The following LIMCH1 variants were observed in gnomAD, a reference collection of about 807,000 sequenced individuals.
LIMCH1 encodes the protein LIM and calponin homology domains 1, also known as LIM and calponin homology domains-containing protein 1.
Under a neutral mutation model 176.5 loss-of-function variants are expected in LIMCH1, and 113 were observed. That is an observed-to-expected ratio of 0.64 (90% CI 0.55 to 0.75). The LOEUF is 0.75. Ranked by LOEUF, LIMCH1 falls within the 30% of genes least tolerant of loss-of-function variation. The probability of loss-of-function intolerance (pLI) is 0.00; values close to 1 mark genes in which losing one functional copy is unlikely to be tolerated. For synonymous variants in LIMCH1, 619 were observed against 645.9 expected (o/e 0.96, Z 0.63); for missense variants, 1,674 against 1,814.9 (o/e 0.92, Z 1.41).
intron 2 of LIMCH1, among the ~76,000 whole-genome samples, chr4:41,520,042 T>A (rs185397035): frequency 7.9e-5 from 12 of 152,306 alleles, no homozygotes; most frequent in Admixed American, 7.8e-4. Flanking sequence ...AAGCAGAAAT[T>A]TTCTATATGC....
intron 5 of LIMCH1, among the ~76,000 whole-genome samples, chr4:41,614,496 A>G (rs761893282): frequency 9.2e-5 from 14 of 152,162 alleles, no homozygotes; most frequent in Non-Finnish European, 1.9e-4. Context: ...TCTTTTTTCA[A>G]TGTATTGCTT....
At chr4:41,371,128 T>G (rs2053893205) in intron 1 of LIMCH1, among the ~76,000 whole-genome samples, 1 of 152,166 alleles carries the variant, frequency 6.6e-6, no homozygotes, top group Non-Finnish European at 1.5e-5. Context: ...GCGAAACTTC[T>G]AAAAAGATCA....
At chr4:41,400,276 C>T (rs954864129) in intron 1 of LIMCH1, among the ~76,000 whole-genome samples, 7 of 152,034 alleles carry the variant, frequency 4.6e-5, no homozygotes, top group African/African-American at 1.7e-4. Flanking sequence ...AAATGGAAGT[C>T]CAGGGAGAGT....
chr4:41,465,538 T>C (rs775712982), intron 1 of LIMCH1, among the ~76,000 whole-genome samples: 5 of 152,212 alleles, frequency 3.3e-5, no homozygotes, highest in Non-Finnish European at 5.9e-5. Context: ...TCCATTGGTT[T>C]CTTCTCCCTT....
chr4:41,492,641 G>GT (rs1468836948), intron 1 of LIMCH1, among the ~76,000 whole-genome samples: 1 of 152,210 alleles, frequency 6.6e-6, no homozygotes, highest in East Asian at 1.9e-4. Context: ...GGTAGATAGT[G>GT]TTGGTCAAGT....
At chr4:41,395,778 C>T (rs1471047921) in intron 1 of LIMCH1, among the ~76,000 whole-genome samples, 1 of 152,122 alleles carries the variant, frequency 6.6e-6, no homozygotes, top group African/African-American at 2.4e-5. Context: ...AGGAACTTTT[C>T]TAGCTCCTGG....
At position 41,531,160 on chromosome 4, in the gene LIMCH1, C is replaced by T. The variant is rs74695689; in HGVS notation, c.237+6682C>T. The stretch of plus-strand genomic sequence containing the variant: ...TATAGAATTGAATCTCAACACTTTC[C>T]GAACATTTGTTTGGAGACATCAACC... On this transcript the variant is annotated intron_variant, in intron 3 of 26. Transcript: ENST00000313860. Among the ~76,000 whole-genome samples, 239 of 152,090 alleles carry T rather than the reference C, an allele frequency of 1.6e-3. No individual in the cohort carries two copies. In the Middle Eastern group the frequency reaches 0.02, roughly 13 times the overall value.
intron 18 of LIMCH1, among the ~76,000 whole-genome samples, chr4:41,657,562 A>C (rs1486674353): frequency 6.6e-6 from 1 of 152,212 alleles, no homozygotes; most frequent in African/African-American, 2.4e-5. Flanking sequence ...CATTTTTAGA[A>C]AATGTATATC....
At chr4:41,680,851 G>A in intron 24 of LIMCH1, 104 bp from the exon 25 acceptor site, 7 of 599,944 alleles carry the variant, frequency 1.2e-5, no homozygotes, top group South Asian at 9.3e-5. Flanking sequence ...CTGCTTGTTC[G>A]AACATATTCT....
intron 1 of LIMCH1, among the ~76,000 whole-genome samples, chr4:41,375,732 C>T (rs2054664208): frequency 6.6e-6 from 1 of 152,222 alleles, no homozygotes; most frequent in Non-Finnish European, 1.5e-5. Context: ...GCGGCTGTCG[C>T]CCACTGATCC....
At chr4:41,575,787 C>T (rs979077500) in intron 1 of LIMCH1, among the ~76,000 whole-genome samples, 4 of 152,080 alleles carry the variant, frequency 2.6e-5, no homozygotes, top group South Asian at 2.1e-4. Context: ...ATGTTGAGAT[C>T]GCACAATTCT....
intron 1 of LIMCH1, among the ~76,000 whole-genome samples, chr4:41,553,987 G>T (rs1433034185): frequency 6.6e-6 from 1 of 152,152 alleles, no homozygotes; most frequent in African/African-American, 2.4e-5. Flanking sequence ...AGGAGAAGCT[G>T]TGGTGTGGTG....
intron 1 of LIMCH1, among the ~76,000 whole-genome samples, chr4:41,556,116 G>T (rs1370651392): frequency 3.3e-5 from 5 of 151,888 alleles, no homozygotes; most frequent in African/African-American, 4.8e-5. Context: ...TCTGGAAAAT[G>T]ATCTGAAAAA....
At chr4:41,418,430 T>A (rs1294411580) in intron 1 of LIMCH1, among the ~76,000 whole-genome samples, 3 of 152,196 alleles carry the variant, frequency 2.0e-5, no homozygotes. Context: ...GCCACATGCA[T>A]GTACAGGACT....
chr4:41,542,195 G>A (rs761769363), intron 1 of LIMCH1, among the ~76,000 whole-genome samples: 14 of 151,908 alleles, frequency 9.2e-5, no homozygotes, highest in East Asian at 1.9e-4. Flanking sequence ...CCTCGTTTCC[G>A]TTTCAGGTTT....
intron 1 of LIMCH1, among the ~76,000 whole-genome samples, chr4:41,557,905 C>T (rs2081497387): frequency 6.6e-6 from 1 of 152,010 alleles, no homozygotes; most frequent in Admixed American, 6.6e-5. Context: ...GACACCAATA[C>T]ACACTTTTTT....
intron 1 of LIMCH1, among the ~76,000 whole-genome samples, chr4:41,552,636 A>G (rs1033801921): frequency 1.3e-5 from 2 of 152,152 alleles, no homozygotes; most frequent in African/African-American, 4.8e-5. Context: ...CAAAGTATTC[A>G]AATTACCCTG....
intron 1 of LIMCH1, among the ~76,000 whole-genome samples, chr4:41,393,262 C>T (rs1383370031): frequency 6.6e-6 from 1 of 152,128 alleles, no homozygotes; most frequent in African/African-American, 2.4e-5. Context: ...TACTCTCCTA[C>T]CTGCTTGGGA....
chr4:41,389,401 A>G (rs2056934298), intron 1 of LIMCH1: 1 of 185,216 alleles, frequency 5.4e-6, no homozygotes, highest in Non-Finnish European at 1.2e-5. Flanking sequence ...ACTCAGTAGA[A>G]ATATCACTTT....
Sources: gnomAD v4.1 joint callset for allele counts (sites outside exome capture counted in the v4.1 genomes callset) on GRCh38, gnomAD v4.1.1 for gene constraint, MANE v1.5 for transcripts, NCBI Gene and HGNC (gene_info 2026-07-23, HGNC 2026-07-21) for gene names.